Variants in MPV17L observed in about 807,000 individuals in gnomAD.
The protein encoded by MPV17L is mpv17-like protein.
A neutral mutation model predicts 25.8 loss-of-function variants in MPV17L; 24 were observed. That is an observed-to-expected ratio of 0.93 (90% confidence interval 0.67 to 1.31). The LOEUF (loss-of-function observed/expected upper bound fraction) is 1.31. MPV17L is among the 50% of genes most tolerant of loss of function. The pLI, the probability that MPV17L is intolerant of heterozygous loss-of-function variation, is 0.00. For synonymous variants in MPV17L, 102 were observed against 115.3 expected (o/e 0.88, Z 0.74); for missense variants, 250 against 265.6 (o/e 0.94, Z 0.41).
At position 15,410,568 on chromosome 16, in the gene MPV17L, G is replaced by A. The variant is rs1280420190; in HGVS notation, c.*2456G>A. The A allele has an allele frequency of 1.3e-5, 2 of 151,876 alleles. No individual in the cohort carries two copies. Among genetic ancestry groups the A allele is most frequent in the Admixed American group, 6.6e-5 (1 of 15,190 alleles). The allele number at this position is 151,876 out of a possible 1,614,324, so 9.4% of individuals were successfully genotyped here. On this transcript the variant is annotated 3_prime_UTR_variant, in exon 4 of 4. Transcript: ENST00000396385. ...TCCGTCTCAAAAAAAAAAAGTTTCA[G>A]TAAATTCCACCTAAGAATTCCACCA...
rs779930416 is a variant in MPV17L at position 15,407,946 on chromosome 16, G to A, written c.425G>A (p.Ser142Asn). The change falls in exon 4 of 4, where the codon AGC becomes AAC. Residue 142 changes from serine to asparagine, a missense_variant. Coordinates refer to ENST00000396385, the MANE Select transcript of MPV17L (RefSeq NM_001128423.2). Reference sequence around the variant, plus strand: ...TCTCTGTTCCAGCTGACCAACTTCAGCCTTGTTCCTGTTCAATGGAGAACA... The same window carrying A: ...TCTCTGTTCCAGCTGACCAACTTCAACCTTGTTCCTGTTCAATGGAGAACA... Reference protein sequence around the residue: ...YWPFVQLTNFSLVPVQWRTAY... With the variant: ...YWPFVQLTNFNLVPVQWRTAY... 2.4e-5 allele frequency: 38 copies of A among 1,613,692 alleles called. No homozygotes were observed. The highest frequency in any genetic ancestry group is 3.1e-5 in the Non-Finnish European group (36 of 1,180,034).
In MPV17L at chr16:15,396,076, C is replaced by G; in HGVS notation, c.179C>G (p.Ala60Gly). 1 of 1,545,318 alleles carries G rather than the reference C, an allele frequency of 6.5e-7. No individual in the cohort carries two copies. Residue 60 changes from alanine (A) to glycine (G), a missense_variant, in exon 1 of 4, where the codon GCC (alanine) becomes GGC (glycine). Ala to Gly is a moderately conservative substitution (Grantham distance 60). Transcript: ENST00000396385. ...GCCACGTTGGTGGTGACCTTCCACGCCAACTTCAACTACGTGTGGCTGCGC... is the reference window on the plus strand; with the variant it reads ...GCCACGTTGGTGGTGACCTTCCACGGCAACTTCAACTACGTGTGGCTGCGC... ...RVATLVVTFH[A>G]NFNYVWLRLL...
chr16:15,401,350 C>T (rs2050639558), intron 2 of MPV17L, among the ~76,000 whole-genome samples: 2 of 151,838 alleles, frequency 1.3e-5, no homozygotes, highest in Admixed American at 1.3e-4. Flanking sequence ...CTCCTGTGCT[C>T]CAGTGATTCT....
chr16:15,408,292 C>T lies in MPV17L; in HGVS notation c.*180C>T, dbSNP rs548879199. ...TTTGAATTGTATTCAGACTTTTTTC[C>T]TGTTCTAGTCTGAAATATTACTTCT... On this transcript the variant is annotated 3_prime_UTR_variant, in exon 4 of 4. Transcript: ENST00000396385. The T allele has an allele frequency of 3.8e-6, 2 of 519,546 alleles. No individual in the cohort carries two copies. Among genetic ancestry groups the T allele is most frequent in the East Asian group, 5.9e-5 (2 of 33,956 alleles). 32.2% of individuals were successfully genotyped at this position (519,546 alleles called of 1,614,324 possible).
intron 2 of MPV17L, among the ~76,000 whole-genome samples, chr16:15,403,457 G>C (rs1950415656): frequency 6.6e-6 from 1 of 150,742 alleles, no homozygotes; most frequent in Non-Finnish European, 1.5e-5. Context: ...AGGATCACTA[G>C]AGCCCAGGAG....
intron 2 of MPV17L, among the ~76,000 whole-genome samples, chr16:15,403,197 G>T (rs1252680486): frequency 6.6e-6 from 1 of 151,320 alleles, no homozygotes; most frequent in African/African-American, 2.4e-5. Flanking sequence ...GTGAAACCGT[G>T]TCTCCACTAA....
At chr16:15,404,658 T>C (rs2050665690) in intron 2 of MPV17L, among the ~76,000 whole-genome samples, 1 of 152,032 alleles carries the variant, frequency 6.6e-6, no homozygotes, top group South Asian at 2.1e-4. Flanking sequence ...CTGTCTCTAC[T>C]AAAAATACAA....
chr16:15,400,870 T>A lies in MPV17L; in HGVS notation c.381+13T>A. On this transcript the variant is annotated intron_variant, in intron 2 of 3. Coordinates refer to ENST00000396385, the MANE Select transcript of MPV17L (RefSeq NM_001128423.2). ...GAATACCTATCTGGTAAGATAGGCG[T>A]TTGAAAATGTAATCACTATATTTTT... 6.4e-7 allele frequency: 1 copy of A among 1,559,504 alleles called. No individual in the cohort carries two copies. Among genetic ancestry groups the A allele is most frequent in the Non-Finnish European group, 8.7e-7 (1 of 1,145,226 alleles).
intron 1 of MPV17L, chr16:15,399,429 A>G (rs1156324944): frequency 2.2e-6 from 1 of 453,946 alleles, no homozygotes; most frequent in East Asian, 7.0e-5. Context: ...TTTCTGAGAC[A>G]GGGTCTCACT....
intron 2 of MPV17L, among the ~76,000 whole-genome samples, chr16:15,404,058 T>G (rs1407732204): frequency 2.0e-5 from 3 of 152,120 alleles, no homozygotes; most frequent in Non-Finnish European, 4.4e-5. Flanking sequence ...TAAGCTACGA[T>G]TGTGCCACTG....
rs1302702026 is a variant in MPV17L, at chr16:15,408,506, T to G, written c.*394T>G. ...TTATACCAAAAAATAGTTCTTAGAGTGAATTTTAATTTACATAGAACTCAA... is the reference window on the plus strand; with the variant it reads ...TTATACCAAAAAATAGTTCTTAGAGGGAATTTTAATTTACATAGAACTCAA... On this transcript the variant is annotated 3_prime_UTR_variant, in exon 4 of 4. Transcript: ENST00000396385. 2 of 158,740 alleles carry G rather than the reference T, an allele frequency of 1.3e-5. No individual in the cohort carries two copies. Among genetic ancestry groups the G allele is most frequent in the African/African-American group, 4.8e-5 (2 of 41,600 alleles). 9.8% of individuals were successfully genotyped at this position (158,740 alleles called of 1,614,324 possible). A position where few individuals can be genotyped will look rare whatever the true frequency, so the allele number is the denominator to read the frequency against.
chr16:15,397,167 A>G lies in MPV17L; in HGVS notation c.310+960A>G, dbSNP rs535233424. On this transcript the variant is annotated intron_variant, in intron 1 of 3. Coordinates refer to ENST00000396385, the MANE Select transcript of MPV17L (RefSeq NM_001128423.2). ...GAGAAAGAGACAGGAGGGTTTTATA[A>G]GGTGATGGAGAAAGGAGAGGGTGCA... Among the ~76,000 whole-genome samples the G allele has an allele frequency of 1.1e-4, 17 of 152,246 alleles. No homozygotes were observed. The East Asian group carries it at 2.9e-3, about 26-fold the overall frequency.
intron 2 of MPV17L, among the ~76,000 whole-genome samples, chr16:15,401,215 C>T (rs2050638646): frequency 6.7e-6 from 1 of 149,436 alleles, no homozygotes; most frequent in Middle Eastern, 3.3e-3. Context: ...TGAGCTCAAG[C>T]GATCCTCCCA....
chr16:15,396,072 C>T lies in MPV17L; in HGVS notation c.175C>T (p.His59Tyr), dbSNP rs1228230894. Residue 59 changes from histidine to tyrosine, a missense_variant, in exon 1 of 4, where the codon CAC (histidine) becomes TAC (tyrosine). Coordinates refer to ENST00000396385, the MANE Select transcript of MPV17L (RefSeq NM_001128423.2). ...CGTGGCCACGTTGGTGGTGACCTTCCACGCCAACTTCAACTACGTGTGGCT... is the reference window on the plus strand; with the variant it reads ...CGTGGCCACGTTGGTGGTGACCTTCTACGCCAACTTCAACTACGTGTGGCT... The part of the protein sequence containing the change: ...RRVATLVVTF[H>Y]ANFNYVWLRL... 3 of 1,545,146 alleles carry T rather than the reference C, an allele frequency of 1.9e-6. No homozygotes were observed. The highest frequency in any genetic ancestry group is 4.9e-5 in the East Asian group (2 of 41,142).
intron 2 of MPV17L, among the ~76,000 whole-genome samples, chr16:15,405,374 GAAA>G (rs796083571): frequency 2.0e-5 from 2 of 98,100 alleles, no homozygotes; most frequent in Non-Finnish European, 2.2e-5. Context: ...TCTGTATTAA[GAAA>G]AAAAAAAAAA....
Position 15,407,801 on chromosome 16 carries a change from C to CTT in MPV17L, c.382-13_382-12dup, listed in dbSNP as rs200953251. 0.033 allele frequency: 43,839 copies of CTT among 1,315,954 alleles called. 422 individuals are homozygous for CTT. The highest frequency in any genetic ancestry group is 0.12 in the African/African-American group (8,162 of 66,914). 81.5% of individuals were successfully genotyped at this position (1,315,954 alleles called of 1,614,324 possible). On this transcript the variant is annotated intron_variant, in intron 2 of 3. Transcript: ENST00000396385. ...AAAAGGCAATCTAATAAAGTTGTTG[C>CTT]TTTTTTTTTTTCCCAATTCCAGAGT... is the stretch of plus-strand genomic sequence containing the variant.
At chr16:15,400,925 A>C in intron 2 of MPV17L, 68 bp downstream of exon 2, 13 of 1,012,138 alleles carry the variant, frequency 1.3e-5, no homozygotes, top group South Asian at 2.8e-5. Flanking sequence ...TGTGTATAAA[A>C]ATATATGTTT....
At chr16:15,398,274 C>T (rs1478039420) in intron 1 of MPV17L, among the ~76,000 whole-genome samples, 2 of 152,008 alleles carry the variant, frequency 1.3e-5, no homozygotes, top group South Asian at 2.1e-4. Flanking sequence ...GAACTCCTGA[C>T]CTCAAGTGAT....
Position 15,409,711 on chromosome 16 carries a change from C to T in MPV17L, c.*1599C>T, listed in dbSNP as rs2050716376. 1 of 152,334 alleles carries T rather than the reference C, an allele frequency of 6.6e-6. No individual in the cohort carries two copies. The highest frequency in any genetic ancestry group is 2.4e-5 in the African/African-American group (1 of 41,578). The allele number at this position is 152,334 out of a possible 1,614,324, so 9.4% of individuals were successfully genotyped here. On this transcript the variant is annotated 3_prime_UTR_variant, in exon 4 of 4. Transcript: ENST00000396385. Reference sequence around the variant, plus strand: ...CAAAGCCTGTTTGGTGGCCTCTTCACACGGACACGTGAGACAGTCTCCAAC... The same window carrying T: ...CAAAGCCTGTTTGGTGGCCTCTTCATACGGACACGTGAGACAGTCTCCAAC...
Sources: gnomAD v4.1 joint callset for allele counts (sites outside exome capture counted in the v4.1 genomes callset) on GRCh38, gnomAD v4.1.1 for gene constraint, MANE v1.5 for transcripts, NCBI Gene and HGNC (gene_info 2026-07-23, HGNC 2026-07-21) for gene names.